Variants in LURAP1 observed in about 807,000 individuals in gnomAD.
LURAP1 encodes the protein leucine rich adaptor protein 1.
LURAP1 carries 14 observed loss-of-function variants against 19.0 expected under a neutral mutation model. That is an observed-to-expected ratio of 0.74 (90% CI 0.49 to 1.15). The LOEUF is 1.15. Among genes scored for constraint, LURAP1 ranks in the 50% most tolerant of loss-of-function variants. The pLI, the probability that LURAP1 is intolerant of heterozygous loss-of-function variation, is 0.00. For missense variants in LURAP1, 273 were observed against 309.1 expected (o/e 0.88, Z 0.87); for synonymous variants, 129 against 131.8 (o/e 0.98, Z 0.14).
intron 1 of LURAP1, among the ~76,000 whole-genome samples, chr1:46,214,841 TG>T (rs1332860887): frequency 1.9e-5 from 2 of 105,928 alleles, no homozygotes; most frequent in African/African-American, 7.4e-5. Flanking sequence ...CACTCCAGCC[TG>T]GGGGACAAGA....
In LURAP1 at chr1:46,220,893, G is replaced by A. The variant is rs1267365325; in HGVS notation, c.*673G>A. 2.0e-5 allele frequency: 3 copies of A among 152,232 alleles called. No individual in the cohort carries two copies. Among genetic ancestry groups the A allele is most frequent in the African/African-American group, 7.2e-5 (3 of 41,440 alleles). 9.4% of individuals were successfully genotyped at this position (152,232 alleles called of 1,614,324 possible). On this transcript the variant is annotated 3_prime_UTR_variant, in exon 2 of 2. Transcript: ENST00000371980. ...GCATAATTACTTCACCCAAAGTCTA[G>A]AAGCCTTGGCCTCTCTCTTGGCCAA...
chr1:46,209,663 C>T (rs1340531406), intron 1 of LURAP1, among the ~76,000 whole-genome samples: 1 of 151,712 alleles, frequency 6.6e-6, no homozygotes, highest in Non-Finnish European at 1.5e-5. Context: ...CATGCACCCG[C>T]CACCACACAG....
intron 1 of LURAP1, among the ~76,000 whole-genome samples, chr1:46,205,361 A>G (rs1210038283): frequency 6.6e-6 from 1 of 152,166 alleles, no homozygotes; most frequent in Non-Finnish European, 1.5e-5. Context: ...TAACTGCCCA[A>G]CATCACGCAA....
At position 46,220,013 on chromosome 1, in the gene LURAP1, G is replaced by T. The variant is rs778639154; in HGVS notation, c.513G>T (p.Trp171Cys). ...GGGCTCCACGTTCCGAGATGGACTG[G>T]GCAAAAGTTATAGCTGGTGGAGAGA... ...PPGAPRSEMD[W>C]AKVIAGGERA... Residue 171 changes from tryptophan to cysteine, a missense_variant, in exon 2 of 2, where the codon TGG (tryptophan) becomes TGT (cysteine). Coordinates refer to ENST00000371980, the MANE Select transcript of LURAP1 (RefSeq NM_001013615.3). The T allele has an allele frequency of 6.2e-7, 1 of 1,614,248 alleles. No homozygotes were observed. The highest frequency in any genetic ancestry group is 2.2e-5 in the East Asian group (1 of 44,882).
chr1:46,218,939 T>G (rs968901016), intron 1 of LURAP1, among the ~76,000 whole-genome samples: 1 of 152,072 alleles, frequency 6.6e-6, no homozygotes, highest in Non-Finnish European at 1.5e-5. Flanking sequence ...ACTTCCTGAT[T>G]AACACCCTAT....
chr1:46,216,043 C>CTTTTTTTTTTTTTTTTTT (rs141982741), intron 1 of LURAP1, among the ~76,000 whole-genome samples: 2 of 92,540 alleles, frequency 2.2e-5, no homozygotes, highest in African/African-American at 8.6e-5. Context: ...TTTATTTTAT[C>CTTTTTTTTTTTTTTTTTT]TTTTTTTTTT....
At chr1:46,206,464 A>T (rs2148237651) in intron 1 of LURAP1, among the ~76,000 whole-genome samples, 1 of 152,206 alleles carries the variant, frequency 6.6e-6, no homozygotes. Context: ...TGGTATGTAG[A>T]TGTTAAGGAG....
At chr1:46,203,742 C>T (rs1658623605) in intron 1 of LURAP1, 118 bp downstream of exon 1, 1 of 916,510 alleles carries the variant, frequency 1.1e-6, no homozygotes, top group African/African-American at 1.7e-5. Context: ...CACCTAACTG[C>T]TCAGAATCCC....
At position 46,219,985 on chromosome 1, in the gene LURAP1, C is replaced by T. The variant is rs982549801; in HGVS notation, c.485C>T (p.Pro162Leu). 1 of 1,614,270 alleles carries T rather than the reference C, an allele frequency of 6.2e-7. No homozygotes were observed. The highest frequency in any genetic ancestry group is 8.5e-7 in the Non-Finnish European group (1 of 1,180,046). ...AGCGAGCTGGATGAACAGGGCCCAC[C>T]TGGGGCTCCACGTTCCGAGATGGAC... ...APSELDEQGPPGAPRSEMDWA... is the reference protein window; with the variant it reads ...APSELDEQGPLGAPRSEMDWA... Residue 162 changes from proline (P) to leucine (L), a missense_variant, in exon 2 of 2, where the codon CCT becomes CTT. Transcript: ENST00000371980.
chr1:46,209,600 A>G (rs1477978140), intron 1 of LURAP1, among the ~76,000 whole-genome samples: 4 of 144,132 alleles, frequency 2.8e-5, no homozygotes, highest in Non-Finnish European at 6.0e-5. Context: ...GCTAGAGTGC[A>G]GTGGCCCAAT....
chr1:46,205,490 A>G (rs1658682677), intron 1 of LURAP1, among the ~76,000 whole-genome samples: 1 of 152,230 alleles, frequency 6.6e-6, no homozygotes. Flanking sequence ...AAAACTGGTC[A>G]TCATTTCTCC....
At position 46,220,068 on chromosome 1, in the gene LURAP1, A is replaced by G; in HGVS notation, c.568A>G (p.Thr190Ala). The change falls in exon 2 of 2, where the codon ACC (threonine) becomes GCC (alanine). Residue 190 changes from threonine to alanine, a missense_variant. Transcript: ENST00000371980. ...RARTEVDVAA[T>A]RLGSLRAVWK... ...CAGGACTGAGGTGGATGTGGCAGCC[A>G]CCAGGCTAGGGAGCTTGAGAGCTGT... 6.2e-7 allele frequency: 1 copy of G among 1,614,242 alleles called. No homozygotes were observed. Among genetic ancestry groups the G allele is most frequent in the Non-Finnish European group, 8.5e-7 (1 of 1,180,038 alleles).
intron 1 of LURAP1, among the ~76,000 whole-genome samples, chr1:46,206,528 C>T (rs184138613): frequency 8.8e-4 from 134 of 152,262 alleles, no homozygotes; most frequent in African/African-American, 3.1e-3. Flanking sequence ...GGAGTCGCCT[C>T]TGAGGCTGCA....
intron 1 of LURAP1, among the ~76,000 whole-genome samples, chr1:46,209,537 C>CT (rs55948355): frequency 0.24 from 33,023 of 139,682 alleles, 4,158 homozygotes; most frequent in Non-Finnish European, 0.3. Context: ...TTGTTGTTTT[C>CT]TTTTTTTTTT....
At position 46,209,270 on chromosome 1, in the gene LURAP1, C is replaced by T. The variant is rs1045391941; in HGVS notation, c.198+5646C>T. On this transcript the variant is annotated intron_variant, in intron 1 of 1. Coordinates refer to ENST00000371980, the MANE Select transcript of LURAP1 (RefSeq NM_001013615.3). ...AACTCCCGAACTCAGGTGATCCATC[C>T]GCCTTGGCCTCCCAAAGTGCTGGGA... Among the ~76,000 whole-genome samples the T allele has an allele frequency of 4.6e-5, 7 of 151,972 alleles. No homozygotes were observed. In the East Asian group the frequency reaches 5.8e-4, roughly 13 times the overall value.
At chr1:46,204,780 G>C (rs181589886) in intron 1 of LURAP1, among the ~76,000 whole-genome samples, 2 of 152,200 alleles carry the variant, frequency 1.3e-5, no homozygotes, top group South Asian at 2.1e-4. Flanking sequence ...CCACCTAAGC[G>C]GGGGCTTGCC....
At chr1:46,219,672 G>A (rs746176897) in intron 1 of LURAP1, 27 bp from the exon 2 acceptor site, 6 of 1,548,116 alleles carry the variant, frequency 3.9e-6, no homozygotes, top group South Asian at 2.5e-5. Flanking sequence ...CCAGAACTGG[G>A]ACTAATTCCT....
At chr1:46,210,202 A>G (rs1020950913) in intron 1 of LURAP1, among the ~76,000 whole-genome samples, 1 of 152,232 alleles carries the variant, frequency 6.6e-6, no homozygotes, top group African/African-American at 2.4e-5. Flanking sequence ...CCAAAAACAC[A>G]AATAATTTCA....
chr1:46,214,758 T>C (rs925555984), intron 1 of LURAP1, among the ~76,000 whole-genome samples: 1 of 148,466 alleles, frequency 6.7e-6, no homozygotes, highest in African/African-American at 2.5e-5. Context: ...TCCAGTTACT[T>C]GGGAGCCTGA....
Sources: allele counts gnomAD v4.1 joint callset (sites outside exome capture counted in the v4.1 genomes callset), GRCh38; gene constraint gnomAD v4.1.1; transcripts MANE v1.5; gene names NCBI Gene and HGNC (gene_info 2026-07-23, HGNC 2026-07-21).